Variants in MRPL13 observed in about 807,000 individuals in gnomAD.
MRPL13 encodes the protein large ribosomal subunit protein uL13m.
In MRPL13, 33 loss-of-function variants were observed where a neutral mutation model predicts 29.0. The ratio of observed to expected loss-of-function variants is 1.14; its 90% CI spans 0.86 to 1.52. The LOEUF is 1.52. MRPL13 is among the 40% of genes most tolerant of loss of function. The pLI is 0.00. For synonymous variants in MRPL13, 77 were observed against 68.4 expected, an observed-to-expected ratio of 1.13 and a Z score of -0.62; for missense variants, 227 against 216.7, an observed-to-expected ratio of 1.05 and a Z score of -0.30.
chr8:120,420,063 AC>A, intron 4 of MRPL13, 125 bp from the exon 5 acceptor site: 1 of 492,930 alleles, frequency 2.0e-6, no homozygotes, highest in Non-Finnish European at 3.3e-6. Flanking sequence ...AAAGAAATAG[AC>A]CTAAGTGGAT....
At chr8:120,425,426 G>T in intron 3 of MRPL13, 60 bp from the exon 4 acceptor site, 1 of 1,098,654 alleles carries the variant, frequency 9.1e-7, no homozygotes, top group South Asian at 1.5e-5. Context: ...TTCTTAAACT[G>T]ATCATTCTTT....
intron 3 of MRPL13, among the ~76,000 whole-genome samples, chr8:120,428,358 G>C (rs1348092674): frequency 6.6e-6 from 1 of 152,084 alleles, no homozygotes; most frequent in African/African-American, 2.4e-5. Flanking sequence ...ATGGATTCCA[G>C]ACTTAACTGT....
intron 6 of MRPL13, among the ~76,000 whole-genome samples, chr8:120,404,692 T>C (rs1276258973): frequency 6.6e-6 from 1 of 152,220 alleles, no homozygotes; most frequent in Non-Finnish European, 1.5e-5. Context: ...ATGAATTATT[T>C]TATCCTCACA....
At chr8:120,410,931 T>A (rs573536650) in intron 6 of MRPL13, among the ~76,000 whole-genome samples, 62 of 151,960 alleles carry the variant, frequency 4.1e-4, no homozygotes, top group African/African-American at 1.4e-3. Flanking sequence ...CCCACCACCA[T>A]ATCCGGCTAG....
chr8:120,397,354 G>A (rs1340509906), intron 6 of MRPL13, among the ~76,000 whole-genome samples: 1 of 152,168 alleles, frequency 6.6e-6, no homozygotes, highest in East Asian at 1.9e-4. Flanking sequence ...TGAATCCAGG[G>A]AGCCAAGCGG....
chr8:120,420,920 CA>C (rs1007319475), intron 4 of MRPL13, among the ~76,000 whole-genome samples: 1 of 151,598 alleles, frequency 6.6e-6, no homozygotes, highest in East Asian at 1.9e-4. Flanking sequence ...ACTCCACACT[CA>C]AATTTAAAAA....
intron 4 of MRPL13, among the ~76,000 whole-genome samples, 160 bp from the exon 5 acceptor site, chr8:120,420,098 CT>C (rs763636985): frequency 1.3e-5 from 2 of 151,812 alleles, no homozygotes; most frequent in Non-Finnish European, 2.9e-5. Flanking sequence ...AGAAAAGAAA[CT>C]TTTATTACTT....
intron 5 of MRPL13, chr8:120,415,358 T>C (rs1307614647): frequency 1.3e-5 from 2 of 152,178 alleles, no homozygotes; most frequent in African/African-American, 4.8e-5. Context: ...TACAGCTCTC[T>C]GCAGAGCGCA....
At chr8:120,441,517 AG>A (rs1397649473) in intron 2 of MRPL13, among the ~76,000 whole-genome samples, 1 of 152,188 alleles carries the variant, frequency 6.6e-6, no homozygotes, top group African/African-American at 2.4e-5. Context: ...CAGGGAAACA[AG>A]TGAAGAATGT....
chr8:120,397,532 T>G (rs1812538929), intron 6 of MRPL13, among the ~76,000 whole-genome samples: 1 of 152,150 alleles, frequency 6.6e-6, no homozygotes, highest in Non-Finnish European at 1.5e-5. Flanking sequence ...CATTCTAGTC[T>G]GCCAGCTCCA....
chr8:120,434,490 G>A (rs1813031095), intron 2 of MRPL13, among the ~76,000 whole-genome samples: 1 of 152,076 alleles, frequency 6.6e-6, no homozygotes, highest in African/African-American at 2.4e-5. Flanking sequence ...GTAAAGTTAA[G>A]TTTCAAATAC....
chr8:120,416,507 A>AAATG (rs746873504), intron 5 of MRPL13, among the ~76,000 whole-genome samples: 84 of 152,248 alleles, frequency 5.5e-4, no homozygotes, highest in Admixed American at 1.8e-3. Context: ...ATAAATAAAT[A>AAATG]AATAAATAAA....
intron 2 of MRPL13, among the ~76,000 whole-genome samples, chr8:120,436,587 C>T (rs1257047832): frequency 2.0e-5 from 3 of 152,014 alleles, no homozygotes; most frequent in African/African-American, 4.8e-5. Flanking sequence ...TATTTTCTTC[C>T]AGTCTGTAGC....
intron 3 of MRPL13, 133 bp from the exon 4 acceptor site, chr8:120,425,499 T>C: frequency 3.5e-6 from 2 of 574,524 alleles, no homozygotes; most frequent in Non-Finnish European, 6.0e-6. Context: ...TTTTCAAAAT[T>C]AAGTAGTAAT....
At chr8:120,441,580 G>A (rs1813124840) in intron 2 of MRPL13, among the ~76,000 whole-genome samples, 1 of 152,124 alleles carries the variant, frequency 6.6e-6, no homozygotes, top group Non-Finnish European at 1.5e-5. Context: ...TCCTCAAAAG[G>A]TTAATGAGAA....
At chr8:120,434,342 CTT>C (rs1348887951) in intron 2 of MRPL13, among the ~76,000 whole-genome samples, 7 of 152,114 alleles carry the variant, frequency 4.6e-5, no homozygotes, top group Non-Finnish European at 1.0e-4. Context: ...ACTTTTAACA[CTT>C]AAAGTCTCAC....
At chr8:120,400,414 T>C (rs1297553595) in intron 6 of MRPL13, among the ~76,000 whole-genome samples, 1 of 151,476 alleles carries the variant, frequency 6.6e-6, no homozygotes, top group Non-Finnish European at 1.5e-5. Flanking sequence ...AATCAAGGAG[T>C]TCTTTGAAAC....
chr8:120,439,344 T>C (rs1202795493), intron 2 of MRPL13, among the ~76,000 whole-genome samples: 1 of 152,212 alleles, frequency 6.6e-6, no homozygotes. Flanking sequence ...AAGAAGGCTG[T>C]GTTGTTGCCT....
At chr8:120,399,739 A>C (rs572339654) in intron 6 of MRPL13, among the ~76,000 whole-genome samples, 142 of 152,284 alleles carry the variant, frequency 9.3e-4, no homozygotes, top group African/African-American at 3.3e-3. Flanking sequence ...TGCTGTCTTC[A>C]AGGGACCCAT....
Sources: gnomAD v4.1 joint callset for allele counts (sites outside exome capture counted in the v4.1 genomes callset) on GRCh38, gnomAD v4.1.1 for gene constraint, MANE v1.5 for transcripts, NCBI Gene and HGNC (gene_info 2026-07-23, HGNC 2026-07-21) for gene names.